The following SPPL3 variants were observed in gnomAD, a reference collection of about 807,000 sequenced individuals.
The protein encoded by SPPL3 is signal peptide peptidase-like 3.
In SPPL3, 5 loss-of-function variants were observed where a neutral mutation model predicts 42.4. The ratio of observed to expected loss-of-function variants is 0.12; its 90% CI spans 0.06 to 0.25. The LOEUF (loss-of-function observed/expected upper bound fraction) is 0.25, where lower values mean the gene tolerates loss of function less well. Ranked by LOEUF, SPPL3 falls within the 10% of genes least tolerant of loss-of-function variation. The pLI is 1.00. For missense variants in SPPL3, 235 were observed against 489.0 expected, an observed-to-expected ratio of 0.48 and a Z score of 4.90; for synonymous variants, 195 against 181.8, an observed-to-expected ratio of 1.07 and a Z score of -0.58.
In SPPL3 at chr12:120,773,769, A is replaced by T. The variant is rs149971971; in HGVS notation, c.503-4710T>A. 2.0e-3 allele frequency among the ~76,000 whole-genome samples: 297 copies of T among 152,138 alleles called. 2 individuals carry two copies. The highest frequency in any genetic ancestry group is 6.0e-3 in the African/African-American group (251 of 41,502). Reference sequence around the variant, plus strand: ...CCAGCGCCCGCCACCATGCCCAACTAATTTTTGCATTTTTAATAGAGATGG... The same window carrying T: ...CCAGCGCCCGCCACCATGCCCAACTTATTTTTGCATTTTTAATAGAGATGG... On this transcript the variant is annotated intron_variant, in intron 6 of 10. Transcript: ENST00000353487.
At chr12:120,846,211 T>C (rs1872037158) in intron 1 of SPPL3, among the ~76,000 whole-genome samples, 1 of 152,194 alleles carries the variant, frequency 6.6e-6, no homozygotes, top group South Asian at 2.1e-4. Context: ...GCCTGGCACA[T>C]ACATAACAAG....
intron 1 of SPPL3, among the ~76,000 whole-genome samples, chr12:120,863,720 T>C (rs1204616596): frequency 6.6e-6 from 1 of 152,164 alleles, no homozygotes; most frequent in African/African-American, 2.4e-5. Flanking sequence ...CAGCTGACTG[T>C]AGCCTCGAAC....
Position 120,879,113 on chromosome 12 carries a change from C to CAAA in SPPL3, c.23+24729_23+24731dup, listed in dbSNP as rs63543261. On this transcript the variant is annotated intron_variant, in intron 1 of 10. Coordinates refer to ENST00000353487, the MANE Select transcript of SPPL3 (RefSeq NM_139015.5). ...GGGCAACAAGAGCAAAACTCTGTCT[C>CAAA]AAAAAAAAAAAAAAAAAAAAAAGAA... 4.8e-3 allele frequency among the ~76,000 whole-genome samples: 311 copies of CAAA among 64,730 alleles called. 1 individual carries two copies. The highest frequency in any genetic ancestry group is 7.7e-3 in the East Asian group (17 of 2,218). 42.5% of individuals were successfully genotyped at this position (64,730 alleles called of 152,430 possible). A position where few individuals can be genotyped will look rare whatever the true frequency, so the allele number is the denominator to read the frequency against.
chr12:120,880,231 A>C (rs886747127), intron 1 of SPPL3, among the ~76,000 whole-genome samples: 1 of 152,092 alleles, frequency 6.6e-6, no homozygotes, highest in South Asian at 2.1e-4. Context: ...TGAATTACAC[A>C]AAAGAATGAA....
chr12:120,784,578 T>G lies in SPPL3; in HGVS notation c.206A>C (p.Asp69Ala), dbSNP rs1869652760. 1 of 1,606,844 alleles carries G rather than the reference T, an allele frequency of 6.2e-7. No homozygotes were observed. The highest frequency in any genetic ancestry group is 1.7e-5 in the Admixed American group (1 of 58,096). The change falls in exon 4 of 11, where the codon GAC becomes GCC. Residue 69 changes from aspartate (D) to alanine (A), a missense_variant. Asp to Ala is a moderately radical substitution (Grantham distance 126, BLOSUM62 -2). Coordinates refer to ENST00000353487, the MANE Select transcript of SPPL3 (RefSeq NM_139015.5). Reference protein sequence around the residue: ...NSTNNSIQTIDSTQALFLPIG... With the variant: ...NSTNNSIQTIASTQALFLPIG... ...TGGAAGGAACAGAGCCTGGGTAGAG[T>G]CAATTGTTTGGATGCCTGAAAGAGA... is the stretch of plus-strand genomic sequence containing the variant.
intron 1 of SPPL3, 112 bp downstream of exon 1, chr12:120,903,733 C>CT: frequency 2.9e-6 from 1 of 344,638 alleles, no homozygotes; most frequent in Non-Finnish European, 4.8e-6. Context: ...CCAACCCGCG[C>CT]CCCCCCCCCA....
intron 3 of SPPL3, among the ~76,000 whole-genome samples, chr12:120,785,179 G>T (rs934265582): frequency 2.0e-5 from 3 of 152,062 alleles, no homozygotes; most frequent in African/African-American, 7.2e-5. Flanking sequence ...TGAAGTGGAA[G>T]GATGGCTTGG....
intron 2 of SPPL3, among the ~76,000 whole-genome samples, chr12:120,796,434 A>G (rs184671599): frequency 6.6e-6 from 1 of 152,236 alleles, no homozygotes; most frequent in Admixed American, 6.5e-5. Flanking sequence ...ATGGAATACA[A>G]TTATATCTGT....
At chr12:120,835,590 T>A (rs1020708432) in intron 1 of SPPL3, 2 of 152,232 alleles carry the variant, frequency 1.3e-5, no homozygotes, top group Non-Finnish European at 2.9e-5. Context: ...TTTCCTTGAT[T>A]GAAAAACTCT....
chr12:120,768,570 C>G, intron 7 of SPPL3, 82 bp from the exon 8 acceptor site: 1 of 1,432,622 alleles, frequency 7.0e-7, no homozygotes. Flanking sequence ...CTCTTAAGAG[C>G]AGAGTCTCAG....
chr12:120,768,926 A>G, intron 7 of SPPL3, 27 bp downstream of exon 7: 1 of 1,558,164 alleles, frequency 6.4e-7, no homozygotes, highest in African/African-American at 1.3e-5. Flanking sequence ...AAAGAAGGGG[A>G]GGAGCTCCAA....
rs115608272 is a variant in SPPL3 at position 120,798,460 on chromosome 12, C to T, written c.102-6903G>A. ...TTTGCATATATTTCCCCTGCCAACGCACCTGTGGTAGTTTCTAGTACATGG... is the reference window on the plus strand; with the variant it reads ...TTTGCATATATTTCCCCTGCCAACGTACCTGTGGTAGTTTCTAGTACATGG... On this transcript the variant is annotated intron_variant, in intron 2 of 10. Transcript: ENST00000353487. Among the ~76,000 whole-genome samples, 898 of 152,306 alleles carry T rather than the reference C, an allele frequency of 5.9e-3. 11 individuals carry two copies. The highest frequency in any genetic ancestry group is 0.02 in the African/African-American group (813 of 41,554).
chr12:120,784,642 T>TG, intron 3 of SPPL3, 49 bp from the exon 4 acceptor site: 3 of 1,474,314 alleles, frequency 2.0e-6, no homozygotes, highest in Non-Finnish European at 2.8e-6. Flanking sequence ...CACCAGGCAC[T>TG]GTGCCTATGC....
chr12:120,781,555 G>GTTTTTTTTTTTTT (rs527339173), intron 6 of SPPL3, among the ~76,000 whole-genome samples: 2 of 62,994 alleles, frequency 3.2e-5, no homozygotes, highest in African/African-American at 1.4e-4. Flanking sequence ...TTATTGTTAC[G>GTTTTTTTTTTTTT]TTTTTTTTTT....
chr12:120,900,961 T>C (rs1175905089), intron 1 of SPPL3, among the ~76,000 whole-genome samples: 2 of 151,188 alleles, frequency 1.3e-5, no homozygotes, highest in South Asian at 2.1e-4. Flanking sequence ...CTCTTGATTG[T>C]TTGCACAAGC....
At chr12:120,846,218 C>T (rs1299864139) in intron 1 of SPPL3, among the ~76,000 whole-genome samples, 1 of 152,156 alleles carries the variant, frequency 6.6e-6, no homozygotes, top group Non-Finnish European at 1.5e-5. Context: ...ACATACATAA[C>T]AAGAGCTCAG....
intron 3 of SPPL3, among the ~76,000 whole-genome samples, chr12:120,784,802 A>G (rs1429327679): frequency 6.6e-6 from 1 of 152,056 alleles, no homozygotes; most frequent in Non-Finnish European, 1.5e-5. Context: ...GCAGACACTC[A>G]GGAATATTTG....
chr12:120,822,010 G>A (rs942968935), intron 1 of SPPL3, among the ~76,000 whole-genome samples: 1 of 152,120 alleles, frequency 6.6e-6, no homozygotes, highest in East Asian at 1.9e-4. Context: ...GACAAATATT[G>A]TTATGACTCA....
chr12:120,790,931 T>C (rs1869894238), intron 3 of SPPL3, among the ~76,000 whole-genome samples: 1 of 152,098 alleles, frequency 6.6e-6, no homozygotes. Flanking sequence ...CAAGCGATTC[T>C]CCTGCCTCAG....
Sources: allele counts gnomAD v4.1 joint callset (sites outside exome capture counted in the v4.1 genomes callset), GRCh38; gene constraint gnomAD v4.1.1; transcripts MANE v1.5; gene names NCBI Gene and HGNC (gene_info 2026-07-23, HGNC 2026-07-21).